The following STAB2 variants were observed in gnomAD, a reference collection of about 807,000 sequenced individuals.
STAB2 encodes the protein stabilin 2, also known as stabilin-2.
In STAB2, 288 loss-of-function variants were observed where a neutral mutation model predicts 338.1. That is an observed-to-expected ratio of 0.85 (90% CI 0.77 to 0.94). The LOEUF is 0.94. STAB2 is among the 40% of genes least tolerant of loss of function. The pLI is 0.00. For missense variants in STAB2, 3,141 were observed against 3,210.1 expected (o/e 0.98, Z 0.52); for synonymous variants, 1,202 against 1,193.3 (o/e 1.01, Z -0.15).
intron 53 of STAB2, 78 bp downstream of exon 53, chr12:103,737,858 T>C: frequency 1.9e-6 from 3 of 1,569,656 alleles, no homozygotes; most frequent in Admixed American, 3.7e-5. Context: ...TGGACCCTGT[T>C]GTGAAACCAT....
intron 47 of STAB2, 41 bp downstream of exon 47, chr12:103,727,391 T>C: frequency 6.2e-7 from 1 of 1,603,228 alleles, no homozygotes; most frequent in Non-Finnish European, 8.5e-7. Context: ...GGTCTGCGGC[T>C]GGAACATAGT....
At chr12:103,729,661 T>C (rs182944541) in intron 48 of STAB2, among the ~76,000 whole-genome samples, 1 of 152,264 alleles carries the variant, frequency 6.6e-6, no homozygotes, top group East Asian at 1.9e-4. Context: ...AAGTAGTAAA[T>C]AGAACTGCTT....
chr12:103,597,350 T>C (rs1208658977), intron 3 of STAB2, among the ~76,000 whole-genome samples: 1 of 152,216 alleles, frequency 6.6e-6, no homozygotes, highest in Non-Finnish European at 1.5e-5. Flanking sequence ...ATGGCCTTGT[T>C]TCCAAAGCAA....
intron 22 of STAB2, among the ~76,000 whole-genome samples, chr12:103,672,493 A>G (rs745600185): frequency 3.9e-5 from 6 of 152,156 alleles, no homozygotes; most frequent in Non-Finnish European, 8.8e-5. Flanking sequence ...GACTTCCCTA[A>G]AATTGTATAA....
At position 103,628,510 on chromosome 12, in the gene STAB2, G is replaced by T. The variant is rs529006630; in HGVS notation, c.488-3088G>T. 6.3e-4 allele frequency among the ~76,000 whole-genome samples: 96 copies of T among 152,310 alleles called. 2 individuals carry two copies. The South Asian group carries it at 0.02, about 32-fold the overall frequency. ...AACAGCAACTTATTGTCCCAGTTCTGGAAGCGAGAAGTCAAATATCAAGGT... is the reference window on the plus strand; with the variant it reads ...AACAGCAACTTATTGTCCCAGTTCTTGAAGCGAGAAGTCAAATATCAAGGT... On this transcript the variant is annotated intron_variant, in intron 5 of 68. Transcript: ENST00000388887.
At chr12:103,752,397 T>TA (rs1418255339) in intron 60 of STAB2, among the ~76,000 whole-genome samples, 2 of 152,320 alleles carry the variant, frequency 1.3e-5, no homozygotes, top group Non-Finnish European at 2.9e-5. Flanking sequence ...GAGAAAAACT[T>TA]AGTCTTCTTT....
At chr12:103,716,370 A>C (rs1201488404) in intron 43 of STAB2, among the ~76,000 whole-genome samples, 1 of 152,182 alleles carries the variant, frequency 6.6e-6, no homozygotes, top group Non-Finnish European at 1.5e-5. Context: ...GAGCAACCGC[A>C]TCAGAGAATG....
chr12:103,665,581 G>A lies in STAB2; in HGVS notation c.2023-710G>A, dbSNP rs566102415. ...GAAGAGGTGACCTCCTTCAGGAGCCGTAGGGATGGTACCAAAGCAGAGAGG... is the reference window on the plus strand; with the variant it reads ...GAAGAGGTGACCTCCTTCAGGAGCCATAGGGATGGTACCAAAGCAGAGAGG... On this transcript the variant is annotated intron_variant, in intron 18 of 68. Coordinates refer to ENST00000388887, the MANE Select transcript of STAB2 (RefSeq NM_017564.10). Among the ~76,000 whole-genome samples, 6 of 152,262 alleles carry A rather than the reference G, an allele frequency of 3.9e-5. No homozygotes were observed. In the South Asian group the frequency reaches 8.3e-4, roughly 21 times the overall value.
chr12:103,666,223 C>A, intron 18 of STAB2, 68 bp from the exon 19 acceptor site: 1 of 1,505,918 alleles, frequency 6.6e-7, no homozygotes, highest in Non-Finnish European at 9.2e-7. Flanking sequence ...ATGAAACCAG[C>A]CACAGGACCA....
In STAB2 at chr12:103,713,710, A is replaced by G. The variant is rs770204362; in HGVS notation, c.4479A>G (p.Pro1493=). The G allele has an allele frequency of 5.0e-6, 8 of 1,614,016 alleles. No homozygotes were observed. Among genetic ancestry groups the G allele is most frequent in the Admixed American group, 3.3e-5 (2 of 60,006 alleles). ...SAKADCKRTT[P]GRRVCTCKAG... ...AGGCTGACTGTAAGAGAACCACCCC[A>G]GGAAGGCGAGTGTGCACGTGCAAAG... Residue 1493 remains proline (P), a synonymous_variant, in exon 42 of 69, where the codon CCA becomes CCG. Coordinates refer to ENST00000388887, the MANE Select transcript of STAB2 (RefSeq NM_017564.10).
chr12:103,696,218 C>T (rs925813555), intron 33 of STAB2, among the ~76,000 whole-genome samples: 1 of 152,128 alleles, frequency 6.6e-6, no homozygotes, highest in South Asian at 2.1e-4. Context: ...GATGAAACCA[C>T]ATGGAGAAAC....
At chr12:103,639,157 C>T (rs1593170789) in intron 8 of STAB2, among the ~76,000 whole-genome samples, 1 of 152,264 alleles carries the variant, frequency 6.6e-6, no homozygotes, top group South Asian at 2.1e-4. Flanking sequence ...GTCAAGACCT[C>T]GCATGTGAGA....
intron 9 of STAB2, 117 bp downstream of exon 9, chr12:103,640,373 C>T (rs143253271): frequency 2.7e-5 from 35 of 1,314,768 alleles, no homozygotes; most frequent in Non-Finnish European, 3.2e-5. Flanking sequence ...CATCCACCCC[C>T]ACCCCACATA....
chr12:103,675,790 C>A, intron 23 of STAB2, 138 bp from the exon 24 acceptor site: 1 of 614,156 alleles, frequency 1.6e-6, no homozygotes, highest in Admixed American at 3.4e-5. Flanking sequence ...ACCCCGACCA[C>A]ATTTGAGCGC....
intron 63 of STAB2, among the ~76,000 whole-genome samples, chr12:103,756,528 T>A (rs1884114220): frequency 6.6e-6 from 1 of 152,230 alleles, no homozygotes; most frequent in Non-Finnish European, 1.5e-5. Flanking sequence ...ATAAGGCCAC[T>A]TCTATATCCA....
At chr12:103,643,974 G>T (rs1342693610) in intron 9 of STAB2, among the ~76,000 whole-genome samples, 4 of 80,756 alleles carry the variant, frequency 5.0e-5, no homozygotes, top group Non-Finnish European at 8.1e-5. Flanking sequence ...CTGCCTGGCC[G>T]CCCCTACTGG....
intron 12 of STAB2, among the ~76,000 whole-genome samples, chr12:103,653,706 GGATA>G (rs1202866932): frequency 1.6e-4 from 16 of 100,944 alleles, no homozygotes; most frequent in African/African-American, 4.8e-4. Flanking sequence ...CTGGATGGAT[GGATA>G]GATGGATGGA....
intron 7 of STAB2, among the ~76,000 whole-genome samples, chr12:103,637,536 G>C (rs1040858624): frequency 2.6e-5 from 4 of 151,988 alleles, no homozygotes; most frequent in Non-Finnish European, 4.4e-5. Flanking sequence ...GCTGTATTAT[G>C]TATCAGTTAA....
chr12:103,676,033 T>G lies in STAB2; in HGVS notation c.2646+12T>G, dbSNP rs1208136332. ...GCTGTAGCCGCAATGTGAGTACTGG[T>G]CTTCATTTCCACCCTGCCTGGTTTC... On this transcript the variant is annotated intron_variant, in intron 24 of 68. Transcript: ENST00000388887. 1 of 1,560,762 alleles carries G rather than the reference T, an allele frequency of 6.4e-7. No individual in the cohort carries two copies. Among genetic ancestry groups the G allele is most frequent in the Non-Finnish European group, 8.7e-7 (1 of 1,152,216 alleles).
Sources: gnomAD v4.1 joint callset for allele counts (sites outside exome capture counted in the v4.1 genomes callset) on GRCh38, gnomAD v4.1.1 for gene constraint, MANE v1.5 for transcripts, NCBI Gene and HGNC (gene_info 2026-07-23, HGNC 2026-07-21) for gene names.